Variants in KCNMA1 observed in about 807,000 individuals in gnomAD.
KCNMA1 encodes the protein potassium calcium-activated channel subfamily M alpha 1.
A neutral mutation model predicts 140.0 loss-of-function variants in KCNMA1; 29 were observed. The observed-to-expected ratio is 0.21, with a 90% CI of 0.15 to 0.28. The LOEUF (loss-of-function observed/expected upper bound fraction) is 0.28, where lower values mean the gene tolerates loss of function less well. Among genes scored for constraint, KCNMA1 ranks in the 10% least tolerant of loss-of-function variants. KCNMA1 has a pLI of 1.00. For synonymous variants in KCNMA1, 612 were observed against 611.9 expected (o/e 1.00, Z 0.00); for missense variants, 880 against 1,602.2 (o/e 0.55, Z 7.70).
At chr10:77,025,242 GTATA>G (rs1183311699) in intron 16 of KCNMA1, among the ~76,000 whole-genome samples, 48 of 42,766 alleles carry the variant, frequency 1.1e-3, no homozygotes, top group East Asian at 5.3e-3. Context: ...GGGTGTGTGT[GTATA>G]TATATATATA....
At chr10:77,070,361 C>T (rs1371775297) in intron 14 of KCNMA1, among the ~76,000 whole-genome samples, 1 of 152,166 alleles carries the variant, frequency 6.6e-6, no homozygotes, top group African/African-American at 2.4e-5. Context: ...CACTGTGCTT[C>T]TGCCTGTGCC....
rs376129068 is a variant in KCNMA1, at chr10:76,984,755, C to A, written c.2267-14688G>T. On this transcript the variant is annotated intron_variant, in intron 19 of 27. Coordinates refer to ENST00000286628, the MANE Select transcript of KCNMA1 (RefSeq NM_001161352.2). ...TGTAGTTACCTTTTAAAAACAGTAA[C>A]ATGTATTTAACTTGGACTTGCTTCA... Among the ~76,000 whole-genome samples, 10 of 152,240 alleles carry A rather than the reference C, an allele frequency of 6.6e-5. 2 individuals carry two copies. Among genetic ancestry groups the A allele is most frequent in the East Asian group, 1.9e-4 (1 of 5,186 alleles).
At chr10:77,541,785 T>C (rs1349824960) in intron 1 of KCNMA1, among the ~76,000 whole-genome samples, 1 of 152,204 alleles carries the variant, frequency 6.6e-6, no homozygotes, top group Non-Finnish European at 1.5e-5. Flanking sequence ...GATTTGGCCC[T>C]ACCCTAGACC....
At chr10:77,607,635 C>A (rs904776762) in intron 1 of KCNMA1, among the ~76,000 whole-genome samples, 1 of 151,954 alleles carries the variant, frequency 6.6e-6, no homozygotes, top group Non-Finnish European at 1.5e-5. Flanking sequence ...GCTTTGGATA[C>A]GGAGCAGAAA....
In KCNMA1 at chr10:76,983,123, T is replaced by C. The variant is rs1680495941; in HGVS notation, c.2267-13056A>G. Reference sequence around the variant, plus strand: ...CAGGGTTTGACTTTTACATGAAAACTGACTGCAATCCATATTTTCAAAAAA... The same window carrying C: ...CAGGGTTTGACTTTTACATGAAAACCGACTGCAATCCATATTTTCAAAAAA... On this transcript the variant is annotated intron_variant, in intron 19 of 27. Transcript: ENST00000286628. Among the ~76,000 whole-genome samples, 3 of 152,338 alleles carry C rather than the reference T, an allele frequency of 2.0e-5. No homozygotes were observed. The South Asian group carries it at 6.2e-4, about 32-fold the overall frequency.
intron 2 of KCNMA1, among the ~76,000 whole-genome samples, chr10:77,307,128 G>C (rs559120542): frequency 6.6e-6 from 1 of 152,166 alleles, no homozygotes; most frequent in Non-Finnish European, 1.5e-5. Context: ...TCAGTTCAAA[G>C]GTCATCAATT....
chr10:77,185,110 G>GA (rs1283804570), intron 3 of KCNMA1, among the ~76,000 whole-genome samples, 194 bp from the exon 4 acceptor site: 1 of 151,928 alleles, frequency 6.6e-6, no homozygotes, highest in African/African-American at 2.4e-5. Context: ...AACCATTCAG[G>GA]AACTACTGTT....
intron 3 of KCNMA1, among the ~76,000 whole-genome samples, chr10:77,213,125 CAAT>C (rs1213163256): frequency 6.6e-6 from 1 of 151,302 alleles, no homozygotes; most frequent in Non-Finnish European, 1.5e-5. Context: ...TTAGAATGTG[CAAT>C]AATAACAGTT....
chr10:77,564,908 T>A (rs1262734113), intron 1 of KCNMA1, among the ~76,000 whole-genome samples: 1 of 152,106 alleles, frequency 6.6e-6, no homozygotes, highest in Non-Finnish European at 1.5e-5. Context: ...GTCAGTGACA[T>A]CATGAAATCA....
intron 9 of KCNMA1, among the ~76,000 whole-genome samples, chr10:77,101,731 G>A (rs553586848): frequency 1.7e-4 from 26 of 152,292 alleles, no homozygotes; most frequent in East Asian, 3.9e-4. Flanking sequence ...TAGAGAAATC[G>A]TAAATGACAT....
intron 2 of KCNMA1, among the ~76,000 whole-genome samples, chr10:77,341,564 T>C (rs1202986932): frequency 6.6e-6 from 1 of 152,188 alleles, no homozygotes; most frequent in Admixed American, 6.5e-5. Flanking sequence ...AGGCTCTCAG[T>C]CACAGTTCCT....
intron 1 of KCNMA1, among the ~76,000 whole-genome samples, chr10:77,506,141 G>C (rs765858359): frequency 6.6e-6 from 1 of 152,178 alleles, no homozygotes; most frequent in Non-Finnish European, 1.5e-5. Flanking sequence ...GTGATGGGGT[G>C]AATCACTCTT....
rs905266791 is a variant in KCNMA1 at position 76,885,835 on chromosome 10, T to C, written c.*1431A>G. 1 of 985,084 alleles carries C rather than the reference T, an allele frequency of 1.0e-6. No individual in the cohort carries two copies. Among genetic ancestry groups the C allele is most frequent in the Non-Finnish European group, 1.2e-6 (1 of 829,698 alleles). The allele number at this position is 985,084 out of a possible 1,614,324, so 61.0% of individuals were successfully genotyped here. Reference sequence around the variant, plus strand: ...CTCTCCTCTCATGCTTACTAAGTGTTAAAAAAGAAAGAAAACAAAAGAAGA... The same window carrying C: ...CTCTCCTCTCATGCTTACTAAGTGTCAAAAAAGAAAGAAAACAAAAGAAGA... On this transcript the variant is annotated 3_prime_UTR_variant, in exon 28 of 28. Coordinates refer to ENST00000286628, the MANE Select transcript of KCNMA1 (RefSeq NM_001161352.2).
intron 1 of KCNMA1, among the ~76,000 whole-genome samples, chr10:77,456,586 G>A (rs1025980495): frequency 6.6e-6 from 1 of 152,194 alleles, no homozygotes; most frequent in Non-Finnish European, 1.5e-5. Flanking sequence ...CAGGTGCAAG[G>A]CAAATGTTTG....
intron 2 of KCNMA1, among the ~76,000 whole-genome samples, chr10:77,256,677 G>A (rs2060831073): frequency 6.6e-6 from 1 of 152,136 alleles, no homozygotes; most frequent in Non-Finnish European, 1.5e-5. Context: ...TCAGCTCACA[G>A]CAGAACAAAT....
At position 77,084,773 on chromosome 10, in the gene KCNMA1, C is replaced by A; in HGVS notation, c.1441-54G>T. On this transcript the variant is annotated intron_variant, in intron 11 of 27. Transcript: ENST00000286628. ...ACACAAACATATAAATAGCCATGCT[C>A]GAGTGTAGTCTCTCTCTGTTGACAG... is the stretch of plus-strand genomic sequence containing the variant. 4 of 1,251,628 alleles carry A rather than the reference C, an allele frequency of 3.2e-6. No homozygotes were observed. In the South Asian group the frequency reaches 3.6e-5, roughly 11 times the overall value. 77.5% of individuals were successfully genotyped at this position (1,251,628 alleles called of 1,614,324 possible). A position where few individuals can be genotyped will look rare whatever the true frequency, so the allele number is the denominator to read the frequency against.
At chr10:77,131,959 G>A (rs868264082) in intron 5 of KCNMA1, among the ~76,000 whole-genome samples, 1 of 82,968 alleles carries the variant, frequency 1.2e-5, no homozygotes, top group Admixed American at 1.5e-4. Flanking sequence ...AGCAAGACTC[G>A]GTCTCAAAAA....
intron 2 of KCNMA1, among the ~76,000 whole-genome samples, chr10:77,290,921 A>G (rs1214669426): frequency 6.6e-6 from 1 of 152,208 alleles, no homozygotes; most frequent in Admixed American, 6.5e-5. Flanking sequence ...GAGGCTGGCC[A>G]GGAGGGGCAG....
intron 10 of KCNMA1, among the ~76,000 whole-genome samples, chr10:77,089,675 G>T (rs1287074842): frequency 6.6e-6 from 1 of 152,086 alleles, no homozygotes; most frequent in Non-Finnish European, 1.5e-5. Context: ...GCCTGACTCT[G>T]CTCTGCACAC....
Sources: gnomAD v4.1 joint callset for allele counts (sites outside exome capture counted in the v4.1 genomes callset) on GRCh38, gnomAD v4.1.1 for gene constraint, MANE v1.5 for transcripts, NCBI Gene and HGNC (gene_info 2026-07-23, HGNC 2026-07-21) for gene names.